FRMD4B: variants seen among roughly 807,000 people sequenced by gnomAD.
FRMD4B encodes the protein FERM domain containing 4B, also known as FERM domain-containing protein 4B.
Under a neutral mutation model 141.5 loss-of-function variants are expected in FRMD4B, and 74 were observed. That is an observed-to-expected ratio of 0.52 (90% CI 0.43 to 0.63). The LOEUF is 0.63. Ranked by LOEUF, FRMD4B falls within the 30% of genes least tolerant of loss-of-function variation. The pLI is 0.00. For synonymous variants in FRMD4B, 506 were observed against 467.9 expected, an observed-to-expected ratio of 1.08 and a Z score of -1.05; for missense variants, 1,366 against 1,253.4, an observed-to-expected ratio of 1.09 and a Z score of -1.36.
chr3:69,212,715 A>G (rs2093098641), intron 11 of FRMD4B, among the ~76,000 whole-genome samples: 1 of 152,252 alleles, frequency 6.6e-6, no homozygotes, highest in South Asian at 2.1e-4. Context: ...CTGTTAGCAG[A>G]TGCATTTACA....
At chr3:69,195,179 A>G in intron 15 of FRMD4B, 38 bp from the exon 16 acceptor site, 1 of 1,613,682 alleles carries the variant, frequency 6.2e-7, no homozygotes, top group Non-Finnish European at 8.5e-7. Context: ...GATAATTGAC[A>G]CTGGCCAAAG....
chr3:69,173,498 T>C (rs1204428414), intron 22 of FRMD4B, among the ~76,000 whole-genome samples: 3 of 152,242 alleles, frequency 2.0e-5, no homozygotes, highest in African/African-American at 7.2e-5. Flanking sequence ...TTTTTATCGT[T>C]AACACCTAAT....
intron 1 of FRMD4B, among the ~76,000 whole-genome samples, chr3:69,476,263 C>G (rs559212521): frequency 4.6e-5 from 7 of 152,138 alleles, no homozygotes; most frequent in African/African-American, 1.7e-4. Context: ...GTGTTTTAGA[C>G]ATGAAGTCCT....
intron 5 of FRMD4B, among the ~76,000 whole-genome samples, chr3:69,258,353 T>A (rs1180175626): frequency 6.6e-6 from 1 of 152,208 alleles, no homozygotes; most frequent in Non-Finnish European, 1.5e-5. Context: ...TTTTGACATG[T>A]GTTTGTTACT....
chr3:69,171,848 G>T lies in FRMD4B; in HGVS notation c.*13C>A. The T allele has an allele frequency of 6.2e-7, 1 of 1,609,442 alleles. No homozygotes were observed. Among genetic ancestry groups the T allele is most frequent in the Non-Finnish European group, 8.5e-7 (1 of 1,176,568 alleles). ...TGAGAACGCAGTGCTTGGTCAGGAG[G>T]TCCAACTGCAGTTCAGACTAATGTT... On this transcript the variant is annotated 3_prime_UTR_variant, in exon 23 of 23. Coordinates refer to ENST00000398540, the MANE Select transcript of FRMD4B (RefSeq NM_015123.3).
chr3:69,363,926 T>G (rs961271813), intron 1 of FRMD4B, among the ~76,000 whole-genome samples: 1 of 152,194 alleles, frequency 6.6e-6, no homozygotes, highest in Non-Finnish European at 1.5e-5. Context: ...CCTGAGCAGC[T>G]TCTTCCATTT....
chr3:69,435,570 A>G (rs922490826), intron 1 of FRMD4B, among the ~76,000 whole-genome samples: 2 of 152,208 alleles, frequency 1.3e-5, no homozygotes, highest in African/African-American at 2.4e-5. Context: ...AATAGTTGTA[A>G]CAGAAACTCT....
intron 1 of FRMD4B, among the ~76,000 whole-genome samples, chr3:69,497,480 T>C (rs1408438602): frequency 3.3e-5 from 5 of 152,174 alleles, no homozygotes; most frequent in Admixed American, 1.3e-4. Context: ...CCCAGTTATA[T>C]GCAGTGGTGG....
chr3:69,524,156 G>A (rs1225610119), intron 1 of FRMD4B, among the ~76,000 whole-genome samples: 1 of 152,098 alleles, frequency 6.6e-6, no homozygotes, highest in African/African-American at 2.4e-5. Flanking sequence ...TGCCTGACTT[G>A]GTCAGCAACA....
intron 2 of FRMD4B, among the ~76,000 whole-genome samples, chr3:69,312,754 C>T (rs1026223913): frequency 5.9e-5 from 9 of 152,060 alleles, no homozygotes; most frequent in Admixed American, 5.2e-4. Context: ...CAAAAATTAC[C>T]CCGGCAAGGT....
At chr3:69,496,630 AG>A (rs1559545595) in intron 1 of FRMD4B, among the ~76,000 whole-genome samples, 101 of 90,108 alleles carry the variant, frequency 1.1e-3, no homozygotes, top group South Asian at 5.9e-3. Flanking sequence ...AGAGAGAGAG[AG>A]AGAGAAAGAG....
intron 7 of FRMD4B, among the ~76,000 whole-genome samples, chr3:69,225,740 C>T (rs9818030): frequency 0.64 from 74,606 of 115,724 alleles, 26,092 homozygotes; most frequent in South Asian, 0.82. Flanking sequence ...AGGGAGAACA[C>T]GTAATACTAC....
chr3:69,451,278 C>CAAAT (rs1193910452), intron 1 of FRMD4B, among the ~76,000 whole-genome samples: 1 of 152,034 alleles, frequency 6.6e-6, no homozygotes, highest in Admixed American at 6.6e-5. Context: ...CCAAAACAAA[C>CAAAT]AAACAAACAA....
At chr3:69,199,416 C>T (rs2092944706) in intron 11 of FRMD4B, 2 of 152,180 alleles carry the variant, frequency 1.3e-5, no homozygotes, top group Non-Finnish European at 2.9e-5. Context: ...CCAGCCTTCT[C>T]AAAGATGTTG....
At chr3:69,205,162 TC>T (rs540232131) in intron 11 of FRMD4B, among the ~76,000 whole-genome samples, 54 of 146,336 alleles carry the variant, frequency 3.7e-4, no homozygotes, top group Admixed American at 1.4e-3. Context: ...TAGGACTGAG[TC>T]CCCCCCCTTT....
At chr3:69,410,710 A>T (rs571467549) in intron 2 of FRMD4B, among the ~76,000 whole-genome samples, 5 of 69,134 alleles carry the variant, frequency 7.2e-5, no homozygotes, top group African/African-American at 2.9e-4. Flanking sequence ...GAAATATATA[A>T]ATAAATAAAT....
intron 2 of FRMD4B, among the ~76,000 whole-genome samples, chr3:69,393,204 G>A (rs1704415376): frequency 6.6e-6 from 1 of 152,108 alleles, no homozygotes; most frequent in Admixed American, 6.5e-5. Context: ...CACTCCTGGG[G>A]GTGTAGGAGG....
chr3:69,196,752 T>TA lies in FRMD4B; in HGVS notation c.1092+147dup, dbSNP rs1449032754. 14 of 640,758 alleles carry TA rather than the reference T, an allele frequency of 2.2e-5. No individual in the cohort carries two copies. In the Middle Eastern group the frequency reaches 1.5e-3, roughly 69 times the overall value. The allele number at this position is 640,758 out of a possible 1,614,324, so 39.7% of individuals were successfully genotyped here. On this transcript the variant is annotated intron_variant, in intron 13 of 22. Coordinates refer to ENST00000398540, the MANE Select transcript of FRMD4B (RefSeq NM_015123.3). ...ATATATTGCCCATCATGTAAACATA[T>TA]AAAAAACCTGAAATAGTTGGAAGTT...
intron 1 of FRMD4B, among the ~76,000 whole-genome samples, chr3:69,349,327 C>T (rs1703055203): frequency 1.3e-5 from 2 of 152,026 alleles, no homozygotes; most frequent in Admixed American, 6.6e-5. Flanking sequence ...TAAAAGAGGA[C>T]ACAAACAAAT....
Sources: gnomAD v4.1 joint callset for allele counts (sites outside exome capture counted in the v4.1 genomes callset) on GRCh38, gnomAD v4.1.1 for gene constraint, MANE v1.5 for transcripts, NCBI Gene and HGNC (gene_info 2026-07-23, HGNC 2026-07-21) for gene names.